Variants in FRMPD1 observed in about 807,000 individuals in gnomAD.
The protein encoded by FRMPD1 is FERM and PDZ domain-containing protein 1.
A neutral mutation model predicts 117.8 loss-of-function variants in FRMPD1; 76 were observed. The observed-to-expected ratio is 0.65, with a 90% CI of 0.54 to 0.78. The LOEUF is 0.78. FRMPD1 is among the 30% of genes least tolerant of loss of function. FRMPD1 has a pLI of 0.00. For synonymous variants in FRMPD1, 783 were observed against 770.4 expected, an observed-to-expected ratio of 1.02 and a Z score of -0.27; for missense variants, 1,786 against 1,964.5, an observed-to-expected ratio of 0.91 and a Z score of 1.72.
At chr9:37,691,609 A>G (rs1203480701) in intron 1 of FRMPD1, among the ~76,000 whole-genome samples, 1 of 152,230 alleles carries the variant, frequency 6.6e-6, no homozygotes, top group African/African-American at 2.4e-5. Flanking sequence ...AATTTTTTTA[A>G]AAGAATAAGA....
Position 37,737,106 on chromosome 9 carries a change from T to G in FRMPD1, c.1412T>G (p.Leu471Trp), listed in dbSNP as rs766032723. Reference protein sequence around the residue: ...VYLQDVKVLTLLLESNSAKDL... With the variant: ...VYLQDVKVLTWLLESNSAKDL... Reference sequence around the variant, plus strand: ...TATTTGCTTTCAAAGGTTCTGACTTTGCTGCTGGAATCCAACAGTGCAAAA... The same window carrying G: ...TATTTGCTTTCAAAGGTTCTGACTTGGCTGCTGGAATCCAACAGTGCAAAA... The change falls in exon 14 of 16, where the codon TTG becomes TGG. Residue 471 changes from leucine (L) to tryptophan (W), a missense_variant. By Grantham distance (61) the Leu-to-Trp change is moderately conservative. Coordinates refer to ENST00000377765, the MANE Select transcript of FRMPD1 (RefSeq NM_014907.3). 6 of 1,612,558 alleles carry G rather than the reference T, an allele frequency of 3.7e-6. No homozygotes were observed.
At chr9:37,718,697 T>C (rs1823258334) in intron 5 of FRMPD1, among the ~76,000 whole-genome samples, 1 of 152,224 alleles carries the variant, frequency 6.6e-6, no homozygotes, top group Admixed American at 6.5e-5. Flanking sequence ...TTTGTTGTGC[T>C]TTACACACGT....
At chr9:37,678,380 C>T (rs1487861619) in intron 1 of FRMPD1, among the ~76,000 whole-genome samples, 2 of 150,996 alleles carry the variant, frequency 1.3e-5, no homozygotes, top group Non-Finnish European at 2.9e-5. Context: ...CCTTCCTCAG[C>T]CTCCCAAGTA....
chr9:37,656,175 G>A lies in FRMPD1; in HGVS notation c.-5+5081G>A, dbSNP rs527982009. On this transcript the variant is annotated intron_variant, in intron 1 of 15. Transcript: ENST00000377765. ...TGCAAGCTTGATAATGGTCTGTATC[G>A]GATTGACAAAAGCCTGTGATTTTCC... is the stretch of plus-strand genomic sequence containing the variant. 3.9e-5 allele frequency among the ~76,000 whole-genome samples: 6 copies of A among 152,228 alleles called. No individual in the cohort carries two copies. The East Asian group carries it at 7.7e-4, about 20-fold the overall frequency.
chr9:37,642,155 C>T, the FRMPD1 span, among the ~76,000 whole-genome samples: 1 of 152,158 alleles, frequency 6.6e-6, no homozygotes, highest in African/African-American at 2.4e-5. Flanking sequence ...CAGAACCCTC[C>T]CAGATTTAAA....
chr9:37,672,445 G>T (rs1438464632), intron 1 of FRMPD1, among the ~76,000 whole-genome samples: 1 of 152,182 alleles, frequency 6.6e-6, no homozygotes, highest in East Asian at 1.9e-4. Context: ...AATAATAACA[G>T]CAGGTACCAC....
At position 37,692,749 on chromosome 9, in the gene FRMPD1, C is replaced by T. The variant is rs1822186795; in HGVS notation, c.101+7C>T. On this transcript the variant is annotated splice_region_variant and intron_variant, in intron 2 of 15. Transcript: ENST00000377765. ...CCCGGGACAGCTCGGCCCGGTAAGC[C>T]TCCTGAGTTTGCAGATTTCTGTCTA... The T allele has an allele frequency of 1.9e-6, 3 of 1,603,170 alleles. No homozygotes were observed. The highest frequency in any genetic ancestry group is 1.7e-6 in the Non-Finnish European group (2 of 1,170,172).
intron 1 of FRMPD1, among the ~76,000 whole-genome samples, chr9:37,657,759 G>A (rs1019511803): frequency 6.6e-6 from 1 of 152,100 alleles, no homozygotes; most frequent in Non-Finnish European, 1.5e-5. Flanking sequence ...TCACACATAT[G>A]TTTCCAGATA....
chr9:37,652,696 C>A (rs1820715071), intron 1 of FRMPD1, among the ~76,000 whole-genome samples: 1 of 152,152 alleles, frequency 6.6e-6, no homozygotes, highest in African/African-American at 2.4e-5. Context: ...ATTCAAATGC[C>A]ACCAGTCTTT....
the FRMPD1 span, among the ~76,000 whole-genome samples, chr9:37,619,771 A>T: frequency 3.9e-5 from 6 of 152,058 alleles, no homozygotes; most frequent in South Asian, 6.3e-4. Context: ...AAAAAAAAAA[A>T]AAGAAATTGA....
chr9:37,746,161 G>C lies in FRMPD1; in HGVS notation c.4129G>C (p.Val1377Leu). The C allele has an allele frequency of 6.2e-7, 1 of 1,613,776 alleles. No homozygotes were observed. The highest frequency in any genetic ancestry group is 8.5e-7 in the Non-Finnish European group (1 of 1,180,006). The change falls in exon 16 of 16, where the codon GTT becomes CTT. Residue 1377 changes from valine (V) to leucine (L), a missense_variant. Val to Leu is a conservative substitution (Grantham distance 32, BLOSUM62 1). Transcript: ENST00000377765. ...ACCGCCCTCTGCGGGAAGCCCGGTGGTTCTGCCCTGGAGGCCTGCCCGAGC... is the reference window on the plus strand; with the variant it reads ...ACCGCCCTCTGCGGGAAGCCCGGTGCTTCTGCCCTGGAGGCCTGCCCGAGC... ...TSPPSAGSPVVLPWRPARAHS... is the reference protein window; with the variant it reads ...TSPPSAGSPVLLPWRPARAHS...
intron 1 of FRMPD1, among the ~76,000 whole-genome samples, chr9:37,669,175 G>GA (rs912756699): frequency 6.6e-6 from 1 of 152,028 alleles, no homozygotes; most frequent in African/African-American, 2.4e-5. Context: ...GTGAGAAGGG[G>GA]AAAAAAATCA....
chr9:37,746,652 G>A lies in FRMPD1; in HGVS notation c.4620G>A (p.Ser1540=), dbSNP rs138810329. The A allele has an allele frequency of 1.2e-5, 20 of 1,613,940 alleles. No individual in the cohort carries two copies. Among genetic ancestry groups the A allele is most frequent in the African/African-American group, 5.3e-5 (4 of 74,942 alleles). The change falls in exon 16 of 16, where the codon TCG becomes TCA. Residue 1540 remains serine, a synonymous_variant. Transcript: ENST00000377765. ...TYHQFIEAAK[S]TCERGYHDLS... is the part of the protein sequence containing the mutation. ...ATCAGTTTATAGAGGCTGCTAAATC[G>A]ACCTGCGAGAGAGGCTACCACGACC...
At chr9:37,660,400 A>G (rs923373438) in intron 1 of FRMPD1, among the ~76,000 whole-genome samples, 1 of 152,122 alleles carries the variant, frequency 6.6e-6, no homozygotes, top group African/African-American at 2.4e-5. Context: ...AGAACAGTGT[A>G]TCCAAAGTTG....
At chr9:37,606,292 G>A in the FRMPD1 span, among the ~76,000 whole-genome samples, 1 of 152,246 alleles carries the variant, frequency 6.6e-6, no homozygotes, top group African/African-American at 2.4e-5. Flanking sequence ...GCCAGCCATG[G>A]AACCATCTAT....
chr9:37,606,133 G>T, the FRMPD1 span, among the ~76,000 whole-genome samples: 1 of 152,184 alleles, frequency 6.6e-6, no homozygotes, highest in Non-Finnish European at 1.5e-5. Flanking sequence ...TGGCAGGTCT[G>T]GGTAGACAGA....
chr9:37,710,386 G>A (rs373198555), intron 4 of FRMPD1, among the ~76,000 whole-genome samples: 2 of 152,152 alleles, frequency 1.3e-5, no homozygotes, highest in South Asian at 2.1e-4. Flanking sequence ...AAATATGATC[G>A]ATTTTCTCTG....
rs572075606 is a variant in FRMPD1 at position 37,679,373 on chromosome 9, T to C, written c.-4-13265T>C. Among the ~76,000 whole-genome samples, 17 of 152,358 alleles carry C rather than the reference T, an allele frequency of 1.1e-4. No homozygotes were observed. In the South Asian group the frequency reaches 1.5e-3, roughly 13 times the overall value. Reference sequence around the variant, plus strand: ...TTTTTGTAAAACACCTTTATTGAGATATAATTCATATACCATGCAATTTAC... The same window carrying C: ...TTTTTGTAAAACACCTTTATTGAGACATAATTCATATACCATGCAATTTAC... On this transcript the variant is annotated intron_variant, in intron 1 of 15. Coordinates refer to ENST00000377765, the MANE Select transcript of FRMPD1 (RefSeq NM_014907.3).
At chr9:37,654,007 T>C (rs1216592294) in intron 1 of FRMPD1, among the ~76,000 whole-genome samples, 2 of 152,208 alleles carry the variant, frequency 1.3e-5, no homozygotes, top group Non-Finnish European at 2.9e-5. Context: ...CAATACCTTA[T>C]GACCCTGTGT....
Sources: gnomAD v4.1 joint callset for allele counts (sites outside exome capture counted in the v4.1 genomes callset) on GRCh38, gnomAD v4.1.1 for gene constraint, MANE v1.5 for transcripts, NCBI Gene and HGNC (gene_info 2026-07-23, HGNC 2026-07-21) for gene names.